ADAMTS13: variants seen among roughly 807,000 people sequenced by gnomAD.
ADAMTS13 encodes the protein ADAM metallopeptidase with thrombospondin type 1 motif 13, also known as A disintegrin and metalloproteinase with thrombospondin motifs 13.
Under a neutral mutation model 155.1 loss-of-function variants are expected in ADAMTS13, and 110 were observed. That is an observed-to-expected ratio of 0.71 (90% confidence interval 0.61 to 0.83). The LOEUF is 0.83. ADAMTS13 is among the 40% of genes least tolerant of loss of function. The pLI is 0.00. For missense variants in ADAMTS13, 1,707 were observed against 1,891.7 expected (o/e 0.90, Z 1.81); for synonymous variants, 758 against 756.4 (o/e 1.00, Z -0.03).
Position 133,422,493 on chromosome 9 carries a change from G to A in ADAMTS13, c.50G>A (p.Gly17Glu). The A allele has an allele frequency of 6.2e-7, 1 of 1,614,126 alleles. No homozygotes were observed. Among genetic ancestry groups the A allele is most frequent in the East Asian group, 2.2e-5 (1 of 44,872 alleles). The change falls in exon 1 of 29, where the codon GGA becomes GAA. Residue 17 changes from glycine (G) to glutamate (E), a missense_variant. Transcript: ENST00000355699. ...AGATGCCCTCCCCTCTGTGTGGCCGGAATCCTTGCCTGTGGCTTTCTCCTG... is the reference window on the plus strand; with the variant it reads ...AGATGCCCTCCCCTCTGTGTGGCCGAAATCCTTGCCTGTGGCTTTCTCCTG... ...RARCPPLCVA[G>E]ILACGFLLGC...
At chr9:133,418,110 A>C, upstream of ADAMTS13, 1 of 499,738 alleles carries the variant, frequency 2.0e-6, no homozygotes, top group South Asian at 2.7e-5. Context: ...TGGGCGGTTC[A>C]CCCGCACGGG....
At position 133,456,901 on chromosome 9, in the gene ADAMTS13, G is replaced by A. The variant is rs1842780862; in HGVS notation, c.3724+182G>A. 1 of 773,558 alleles carries A rather than the reference G, an allele frequency of 1.3e-6. No homozygotes were observed. Among genetic ancestry groups the A allele is most frequent in the African/African-American group, 1.7e-5 (1 of 58,502 alleles). 47.9% of individuals were successfully genotyped at this position (773,558 alleles called of 1,614,324 possible). The stretch of plus-strand genomic sequence containing the variant: ...CTGCACGTGCCAGGGAGGGGTCACA[G>A]GATGAATGCTATATCCCTCCTTTTT... On this transcript the variant is annotated intron_variant, in intron 27 of 28. Coordinates refer to ENST00000355699, the MANE Select transcript of ADAMTS13 (RefSeq NM_139027.6). This position sits in a 1 kb window ranked among gnomAD's most constrained non-coding sequence, Gnocchi z 4.4.
At chr9:133,434,333 T>C (rs1841018780) in intron 11 of ADAMTS13, among the ~76,000 whole-genome samples, 1 of 151,870 alleles carries the variant, frequency 6.6e-6, no homozygotes, top group African/African-American at 2.4e-5. Context: ...TTAGACAGAG[T>C]CTCTCCCTGT....
Position 133,437,824 on chromosome 9 carries a change from A to G in ADAMTS13, c.1511A>G (p.Asp504Gly). The G allele has an allele frequency of 3.1e-6, 5 of 1,613,942 alleles. No homozygotes were observed. The highest frequency in any genetic ancestry group is 3.4e-6 in the Non-Finnish European group (4 of 1,180,038). ...ATGAAGCGTGGAGACAGCTTCCTCG[A>G]TGGGACCCGGTGTATGCCAAGTGGC... ...FIMKRGDSFL[D>G]GTRCMPSGPR... Residue 504 changes from aspartate (D) to glycine (G), a missense_variant, in exon 13 of 29, where the codon GAT (aspartate) becomes GGT (glycine). Asp to Gly is a moderately conservative substitution (Grantham distance 94, BLOSUM62 -1). Around this residue, in one of 3 missense-constraint regions of ADAMTS13, gnomAD observed 733 missense variants for 749.6 expected, o/e 0.98. Transcript: ENST00000355699.
rs782504609 is a variant in ADAMTS13, at chr9:133,438,372, C to G, written c.1705+6C>G. ...CACAGCTGGCAGAGCGAGAGGTAGG[C>G]GGCCTCCCTCGGGGCAGAGGCTGGG... On this transcript the variant is annotated splice_donor_region_variant and intron_variant, in intron 14 of 28. Coordinates refer to ENST00000355699, the MANE Select transcript of ADAMTS13 (RefSeq NM_139027.6). The G allele has an allele frequency of 6.2e-7, 1 of 1,613,554 alleles. No homozygotes were observed. The highest frequency in any genetic ancestry group is 1.1e-5 in the South Asian group (1 of 91,072).
chr9:133,424,178 G>T lies in ADAMTS13; in HGVS notation c.173-143G>T. 6 of 1,329,400 alleles carry T rather than the reference G, an allele frequency of 4.5e-6. No homozygotes were observed. The highest frequency in any genetic ancestry group is 6.4e-6 in the Non-Finnish European group (6 of 940,848). The allele number at this position is 1,329,400 out of a possible 1,614,324, so 82.4% of individuals were successfully genotyped here. A position where few individuals can be genotyped will look rare whatever the true frequency, so the allele number is the denominator to read the frequency against. ...CTTTGCGTGCCTAGTCACTAATGGGGTCTGGCTCTTGGGGTGGGGGTGACA... is the reference window on the plus strand; with the variant it reads ...CTTTGCGTGCCTAGTCACTAATGGGTTCTGGCTCTTGGGGTGGGGGTGACA... On this transcript the variant is annotated intron_variant, in intron 2 of 28. Coordinates refer to ENST00000355699, the MANE Select transcript of ADAMTS13 (RefSeq NM_139027.6). The surrounding 1 kb of genome is among the most constrained non-coding windows in gnomAD (Gnocchi z 4.3).
At chr9:133,449,729 C>T in intron 22 of ADAMTS13, 54 bp from the exon 23 acceptor site, 2 of 1,606,244 alleles carry the variant, frequency 1.2e-6, no homozygotes, top group African/African-American at 1.3e-5. Flanking sequence ...CCTGGCTCCC[C>T]TGGGTTCCCA....
At chr9:133,434,979 T>G (rs1841067198) in intron 11 of ADAMTS13, among the ~76,000 whole-genome samples, 1 of 152,220 alleles carries the variant, frequency 6.6e-6, no homozygotes, top group Non-Finnish European at 1.5e-5. Flanking sequence ...TCTTTCTGGC[T>G]GAATCATATT....
At chr9:133,437,418 G>T (rs1381428232) in intron 12 of ADAMTS13, among the ~76,000 whole-genome samples, 1 of 152,124 alleles carries the variant, frequency 6.6e-6, no homozygotes, top group African/African-American at 2.4e-5. Flanking sequence ...TACCATGCCG[G>T]CTAATTTTTT....
In ADAMTS13 at chr9:133,445,187, G is replaced by C; in HGVS notation, c.2610+135G>C. 1 of 1,041,018 alleles carries C rather than the reference G, an allele frequency of 9.6e-7. No homozygotes were observed. Among genetic ancestry groups the C allele is most frequent in the South Asian group, 1.5e-5 (1 of 66,486 alleles). The allele number at this position is 1,041,018 out of a possible 1,614,324, so 64.5% of individuals were successfully genotyped here. ...CCTTCTGTGGGAATGCTGTCTGAGG[G>C]CCACCCCTGCTCAGAAAAGAAGCTT... On this transcript the variant is annotated intron_variant, in intron 20 of 28. Transcript: ENST00000355699. The surrounding 1 kb of genome is among the most constrained non-coding windows in gnomAD (Gnocchi z 5.0).
At position 133,438,499 on chromosome 9, in the gene ADAMTS13, G is replaced by A; in HGVS notation, c.1705+133G>A. ...CACTCAGCCCTGGATGCCTCCTGTGGTGTCAGCGTCTCCCTCTTCCACTTC... is the reference window on the plus strand; with the variant it reads ...CACTCAGCCCTGGATGCCTCCTGTGATGTCAGCGTCTCCCTCTTCCACTTC... On this transcript the variant is annotated intron_variant, in intron 14 of 28. Transcript: ENST00000355699. 2.9e-6 allele frequency: 4 copies of A among 1,379,336 alleles called. No individual in the cohort carries two copies. In the Admixed American group the frequency reaches 6.3e-5, roughly 22 times the overall value. 85.4% of individuals were successfully genotyped at this position (1,379,336 alleles called of 1,614,324 possible). A position where few individuals can be genotyped will look rare whatever the true frequency, so the allele number is the denominator to read the frequency against.
chr9:133,449,989 G>C (rs900527451), intron 23 of ADAMTS13, 24 bp downstream of exon 23: 2 of 1,572,302 alleles, frequency 1.3e-6, no homozygotes, highest in Admixed American at 3.8e-5. Context: ...TGATGGGAGG[G>C]GCAGCTCCTG....
chr9:133,459,273 G>T lies in ADAMTS13; in HGVS notation c.*93G>T, dbSNP rs1564449527. ...CAATTCGAACTTTTTCCAATCTTAGGTATCTACTTTAGAGTCTTCTCCAAT... is the reference window on the plus strand; with the variant it reads ...CAATTCGAACTTTTTCCAATCTTAGTTATCTACTTTAGAGTCTTCTCCAAT... On this transcript the variant is annotated 3_prime_UTR_variant, in exon 29 of 29. Transcript: ENST00000355699. The T allele has an allele frequency of 7.7e-7, 1 of 1,291,644 alleles. No homozygotes were observed. Among genetic ancestry groups the T allele is most frequent in the South Asian group, 1.3e-5 (1 of 78,172 alleles). The allele number at this position is 1,291,644 out of a possible 1,614,324, so 80.0% of individuals were successfully genotyped here.
At position 133,448,712 on chromosome 9, in the gene ADAMTS13, G is replaced by A. The variant is rs1554793356; in HGVS notation, c.2845G>A (p.Val949Ile). Residue 949 changes from valine (V) to isoleucine (I), a missense_variant, in exon 22 of 29, where the codon GTC becomes ATC. By Grantham distance (29) the Val-to-Ile change is conservative. This residue lies in a region of ADAMTS13 where 961 missense variants were observed against 1,107.9 expected (regional missense o/e 0.87). Coordinates refer to ENST00000355699, the MANE Select transcript of ADAMTS13 (RefSeq NM_139027.6). ...GAGCCGGCGGGAGGTCTGCCAGGCTGTCCCGTGCCCTGCTCGGTGAGTGAG... is the reference window on the plus strand; with the variant it reads ...GAGCCGGCGGGAGGTCTGCCAGGCTATCCCGTGCCCTGCTCGGTGAGTGAG... ...PGSRREVCQA[V>I]PCPARWQYKL... The A allele has an allele frequency of 6.2e-7, 1 of 1,602,426 alleles. No homozygotes were observed.
rs1217661400 is a variant in ADAMTS13, at chr9:133,445,251, C to G, written c.2610+199C>G. 6.6e-6 allele frequency among the ~76,000 whole-genome samples: 1 copy of G among 152,218 alleles called. No homozygotes were observed. Among genetic ancestry groups the G allele is most frequent in the Non-Finnish European group, 1.5e-5 (1 of 68,036 alleles). The stretch of plus-strand genomic sequence containing the variant: ...AGGGCCCCTGGGAAGGCTCCCATTC[C>G]CCTTGCAAGCCGGGCTGAGGGAAGC... On this transcript the variant is annotated intron_variant, in intron 20 of 28. Transcript: ENST00000355699. This position sits in a 1 kb window ranked among gnomAD's most constrained non-coding sequence, Gnocchi z 5.0.
rs1554789138 is a variant in ADAMTS13, at chr9:133,436,818, C to T, written c.1309-11C>T. ...CACCGCCATCCCCCTCCTCTGCCTC[C>T]TCCTGGCCAGGCCTGCGAGAAGACC... On this transcript the variant is annotated splice_polypyrimidine_tract_variant and intron_variant, in intron 11 of 28. Transcript: ENST00000355699. 1.4e-6 allele frequency: 2 copies of T among 1,416,652 alleles called. No homozygotes were observed. Among genetic ancestry groups the T allele is most frequent in the East Asian group, 3.7e-5 (1 of 26,808 alleles). The allele number at this position is 1,416,652 out of a possible 1,614,324, so 87.8% of individuals were successfully genotyped here. A position where few individuals can be genotyped will look rare whatever the true frequency, so the allele number is the denominator to read the frequency against.
At chr9:133,426,823 G>C (rs1313538369) in intron 6 of ADAMTS13, among the ~76,000 whole-genome samples, 2 of 148,204 alleles carry the variant, frequency 1.3e-5, no homozygotes, top group African/African-American at 5.0e-5. Flanking sequence ...TTTTTTTTGA[G>C]ATGAAGTTTC....
rs1840137624 is a variant in ADAMTS13 at position 133,424,338 on chromosome 9, G to A, written c.190G>A (p.Gly64Ser). The A allele has an allele frequency of 6.2e-7, 1 of 1,612,934 alleles. No individual in the cohort carries two copies. The highest frequency in any genetic ancestry group is 1.3e-5 in the African/African-American group (1 of 74,886). Reference sequence around the variant, plus strand: ...CCCTCCAGGCCGCCCTCCTTCCCCTGGCTTCCAGAGGCAGAGGCAGAGGCA... The same window carrying A: ...CCCTCCAGGCCGCCCTCCTTCCCCTAGCTTCCAGAGGCAGAGGCAGAGGCA... ...APLKGRPPSP[G>S]FQRQRQRQRR... is the part of the protein sequence containing the mutation. The change falls in exon 3 of 29, where the codon GGC becomes AGC. Residue 64 changes from glycine to serine, a missense_variant. Gly to Ser is a moderately conservative substitution (Grantham distance 56). This residue lies in a region of ADAMTS13 where 733 missense variants were observed against 749.6 expected (regional missense o/e 0.98). Coordinates refer to ENST00000355699, the MANE Select transcript of ADAMTS13 (RefSeq NM_139027.6). This position sits in a 1 kb window ranked among gnomAD's most constrained non-coding sequence, Gnocchi z 4.3.
intron 25 of ADAMTS13, 139 bp downstream of exon 25, chr9:133,455,574 C>A: frequency 6.2e-7 from 1 of 1,606,186 alleles, no homozygotes. Context: ...CGGCTCCTGC[C>A]CGGGCCCCAG....
Sources: gnomAD v4.1 joint callset for allele counts (sites outside exome capture counted in the v4.1 genomes callset) on GRCh38, gnomAD v4.1.1 for gene constraint, gnomAD v4.1.1 regional missense constraint, Gnocchi (gnomAD v3.1) non-coding constraint, MANE v1.5 for transcripts, NCBI Gene and HGNC (gene_info 2026-07-23, HGNC 2026-07-21) for gene names.